PDE1A: variants seen among roughly 807,000 people sequenced by gnomAD.
The protein encoded by PDE1A is phosphodiesterase 1A.
Under a neutral mutation model 61.7 loss-of-function variants are expected in PDE1A, and 35 were observed. The observed-to-expected ratio is 0.57, with a 90% confidence interval of 0.43 to 0.75. The LOEUF (loss-of-function observed/expected upper bound fraction) is 0.75. Ranked by LOEUF, PDE1A falls within the 30% of genes least tolerant of loss-of-function variation. The pLI, the probability that PDE1A is intolerant of heterozygous loss-of-function variation, is 0.00. For synonymous variants in PDE1A, 232 were observed against 213.2 expected, an observed-to-expected ratio of 1.09 and a Z score of -0.77; for missense variants, 597 against 630.6, an observed-to-expected ratio of 0.95 and a Z score of 0.57.
chr2:182,155,887 G>C (rs772875026), intron 13 of PDE1A, among the ~76,000 whole-genome samples: 1 of 151,746 alleles, frequency 6.6e-6, no homozygotes, highest in South Asian at 2.1e-4. Flanking sequence ...GAGAAACTCC[G>C]TCTCAATAAT....
At chr2:182,353,007 G>T (rs1253841646) in intron 1 of PDE1A, among the ~76,000 whole-genome samples, 1 of 152,148 alleles carries the variant, frequency 6.6e-6, no homozygotes, top group African/African-American at 2.4e-5. Context: ...AGTTCAATGA[G>T]ATAACTATAA....
At chr2:182,150,625 A>G (rs1157102341) in intron 13 of PDE1A, among the ~76,000 whole-genome samples, 1 of 152,240 alleles carries the variant, frequency 6.6e-6, no homozygotes, top group Non-Finnish European at 1.5e-5. Context: ...AACCAGTTTC[A>G]AAAGTTCAAA....
the PDE1A span, among the ~76,000 whole-genome samples, chr2:182,630,510 G>C: frequency 6.6e-6 from 1 of 151,666 alleles, no homozygotes; most frequent in African/African-American, 2.4e-5. Context: ...ATTACAGCAT[G>C]TTCTCACATG....
At position 182,226,009 on chromosome 2, in the gene PDE1A, A is replaced by G. The variant is rs1404517602; in HGVS notation, c.676-2045T>C. ...AGCCTCCAATGTTCCCAATGAAACT[A>G]TGGAACTAAACACCATGAAATGAAT... On this transcript the variant is annotated intron_variant, in intron 6 of 13. Coordinates refer to ENST00000351439, the Ensembl canonical transcript of PDE1A. Among the ~76,000 whole-genome samples the G allele has an allele frequency of 2.0e-5, 3 of 149,866 alleles. 1 individual carries two copies. The highest frequency in any genetic ancestry group is 7.6e-5 in the African/African-American group (3 of 39,442).
At position 182,161,351 on chromosome 2, in the gene PDE1A, GA is replaced by G. The variant is rs201084072; in HGVS notation, c.1517-14200del. 1.1e-3 allele frequency among the ~76,000 whole-genome samples: 158 copies of G among 149,360 alleles called. 1 individual carries two copies. The East Asian group carries it at 0.02, about 19-fold the overall frequency. On this transcript the variant is annotated intron_variant, in intron 13 of 13. Coordinates refer to the PDE1A transcript ENST00000409365. ...TGTTAAAGTGAGGACGTTGGTTGGG[GA>G]AAAAAAAAATGGAATTATCTAAATG...
chr2:182,540,048 T>C, the PDE1A span, among the ~76,000 whole-genome samples: 2 of 152,170 alleles, frequency 1.3e-5, no homozygotes, highest in Non-Finnish European at 2.9e-5. Flanking sequence ...CATAAATTAC[T>C]GACATCAAAT....
the PDE1A span, among the ~76,000 whole-genome samples, chr2:182,617,894 C>T: frequency 4.8e-4 from 73 of 152,300 alleles, 2 homozygotes; most frequent in South Asian, 0.015. Context: ...TAAGACCTTA[C>T]ACCCATTTCT....
the PDE1A span, among the ~76,000 whole-genome samples, chr2:182,643,758 AG>A: frequency 6.6e-6 from 1 of 152,210 alleles, no homozygotes; most frequent in Non-Finnish European, 1.5e-5. Context: ...AATAACAAAA[AG>A]AGAGAGAAAC....
At chr2:182,353,256 G>A (rs1285724348) in intron 1 of PDE1A, among the ~76,000 whole-genome samples, 2 of 152,160 alleles carry the variant, frequency 1.3e-5, no homozygotes, top group African/African-American at 4.8e-5. Flanking sequence ...AATGGCAGCA[G>A]CTTTATTGCT....
intron 7 of PDE1A, among the ~76,000 whole-genome samples, chr2:182,218,765 T>C (rs949011252): frequency 6.6e-6 from 1 of 152,126 alleles, no homozygotes; most frequent in African/African-American, 2.4e-5. Flanking sequence ...TAGATTATAT[T>C]AGTTGAATTA....
At chr2:182,628,054 G>GCACACA in the PDE1A span, among the ~76,000 whole-genome samples, 1,627 of 150,762 alleles carry the variant, frequency 0.011, 33 homozygotes, top group African/African-American at 0.037. Flanking sequence ...GTGTATGTGT[G>GCACACA]CACACACACA....
chr2:182,479,294 T>C lies in PDE1A; in HGVS notation c.101+42982A>G, dbSNP rs143784221. Among the ~76,000 whole-genome samples, 275 of 151,968 alleles carry C rather than the reference T, an allele frequency of 1.8e-3. 2 individuals carry two copies. The highest frequency in any genetic ancestry group is 6.0e-3 in the African/African-American group (250 of 41,516). On this transcript the variant is annotated intron_variant, in intron 2 of 14. Coordinates refer to the PDE1A transcript ENST00000410103. ...TAAAAGCAATATGCCTGTCATTACA[T>C]TTACTCCCACTCAAAAGTTCACCCA...
intron 13 of PDE1A, among the ~76,000 whole-genome samples, chr2:182,160,122 A>G (rs1354496176): frequency 6.6e-6 from 1 of 152,216 alleles, no homozygotes; most frequent in East Asian, 1.9e-4. Context: ...GTCCAAGATT[A>G]CATAACTAGT....
intron 2 of PDE1A, among the ~76,000 whole-genome samples, chr2:182,505,094 A>G (rs915454342): frequency 3.9e-5 from 6 of 152,174 alleles, no homozygotes; most frequent in East Asian, 1.9e-4. Flanking sequence ...ATTTTCTCTC[A>G]CAGGACACAC....
intron 7 of PDE1A, among the ~76,000 whole-genome samples, chr2:182,214,001 T>A: frequency 1.5e-5 from 2 of 137,270 alleles, no homozygotes; most frequent in African/African-American, 5.5e-5. Context: ...GAAAAAAATG[T>A]TAAGGGCAGC....
intron 2 of PDE1A, among the ~76,000 whole-genome samples, chr2:182,438,262 A>G (rs1684568261): frequency 6.6e-6 from 1 of 151,928 alleles, no homozygotes; most frequent in Non-Finnish European, 1.5e-5. Context: ...GACTTCTTAT[A>G]CCAAGTTATT....
intron 1 of PDE1A, among the ~76,000 whole-genome samples, chr2:182,391,125 T>C (rs1224672678): frequency 1.3e-5 from 2 of 152,084 alleles, no homozygotes; most frequent in African/African-American, 2.4e-5. Flanking sequence ...TGAAAATGGA[T>C]ATTAAGGGTG....
chr2:182,290,589 G>A (rs1694463161), intron 1 of PDE1A, among the ~76,000 whole-genome samples: 1 of 151,952 alleles, frequency 6.6e-6, no homozygotes, highest in Admixed American at 6.6e-5. Flanking sequence ...GCCTCCCCAT[G>A]TCCCTTCTTT....
intron 2 of PDE1A, among the ~76,000 whole-genome samples, chr2:182,504,261 A>G (rs1274475966): frequency 6.6e-6 from 1 of 152,242 alleles, no homozygotes; most frequent in African/African-American, 2.4e-5. Context: ...AAGATTACTT[A>G]GCAATATGTT....
Sources: allele counts gnomAD v4.1 joint callset (sites outside exome capture counted in the v4.1 genomes callset), GRCh38; gene constraint gnomAD v4.1.1; transcripts MANE v1.5; gene names NCBI Gene and HGNC (gene_info 2026-07-23, HGNC 2026-07-21).